Variants in SWAP70 observed in about 807,000 individuals in gnomAD.
The protein encoded by SWAP70 is switch-associated protein 70.
Under a neutral mutation model 80.2 loss-of-function variants are expected in SWAP70, and 34 were observed. The ratio of observed to expected loss-of-function variants is 0.42; its 90% CI spans 0.32 to 0.56. SWAP70 has a LOEUF of 0.56. Ranked by LOEUF, SWAP70 falls within the 20% of genes least tolerant of loss-of-function variation. The pLI, the probability that SWAP70 is intolerant of heterozygous loss-of-function variation, is 0.09. For missense variants in SWAP70, 578 were observed against 690.7 expected (o/e 0.84, Z 1.83); for synonymous variants, 239 against 238.5 (o/e 1.00, Z -0.02).
intron 9 of SWAP70, among the ~76,000 whole-genome samples, chr11:9,747,366 T>A (rs773971573): frequency 1.1e-3 from 164 of 152,362 alleles, no homozygotes; most frequent in Non-Finnish European, 4.6e-4. Flanking sequence ...TTCTTCATCT[T>A]CATTATCAGC....
In SWAP70 at chr11:9,683,913, A is replaced by G. The variant is rs75982536; in HGVS notation, c.100-10233A>G. ...GCAATTTCAAGAGATTGATAGGGATAGAAGTCATATTTTAGGGACCATGCG... is the reference window on the plus strand; with the variant it reads ...GCAATTTCAAGAGATTGATAGGGATGGAAGTCATATTTTAGGGACCATGCG... On this transcript the variant is annotated intron_variant, in intron 1 of 11. Transcript: ENST00000318950. 2.8e-3 allele frequency among the ~76,000 whole-genome samples: 429 copies of G among 152,300 alleles called. 1 individual carries two copies. Among genetic ancestry groups the G allele is most frequent in the African/African-American group, 9.9e-3 (410 of 41,556 alleles).
intron 1 of SWAP70, among the ~76,000 whole-genome samples, chr11:9,664,855 A>G (rs1235741897): frequency 6.6e-6 from 1 of 152,080 alleles, no homozygotes; most frequent in Non-Finnish European, 1.5e-5. Flanking sequence ...ACTTGGGAAG[A>G]CCTTCCGCCC....
At chr11:9,740,014 T>C (rs1851414908) in intron 8 of SWAP70, among the ~76,000 whole-genome samples, 167 bp from the exon 9 acceptor site, 2 of 152,280 alleles carry the variant, frequency 1.3e-5, no homozygotes, top group African/African-American at 4.8e-5. Context: ...TGCGATTGGG[T>C]GTGGTACCCT....
At chr11:9,745,176 A>T (rs1224087129) in intron 9 of SWAP70, among the ~76,000 whole-genome samples, 2 of 152,238 alleles carry the variant, frequency 1.3e-5, no homozygotes, top group Admixed American at 6.5e-5. Flanking sequence ...GGGCTCTGGA[A>T]TGAGGCCACG....
At chr11:9,666,581 C>A (rs1436496659) in intron 1 of SWAP70, among the ~76,000 whole-genome samples, 1 of 152,002 alleles carries the variant, frequency 6.6e-6, no homozygotes, top group Non-Finnish European at 1.5e-5. Context: ...TTGTAATTGT[C>A]ATATTTATTA....
intron 1 of SWAP70, among the ~76,000 whole-genome samples, chr11:9,685,848 G>T (rs1055475416): frequency 6.6e-6 from 1 of 152,056 alleles, no homozygotes; most frequent in Admixed American, 6.5e-5. Context: ...TGGCCAGGAT[G>T]GCCTCGATCT....
At chr11:9,669,481 C>G (rs766037470) in intron 1 of SWAP70, among the ~76,000 whole-genome samples, 5 of 152,160 alleles carry the variant, frequency 3.3e-5, no homozygotes, top group Non-Finnish European at 5.9e-5. Flanking sequence ...CCACCTGCCT[C>G]GGTCACCCAA....
intron 4 of SWAP70, among the ~76,000 whole-genome samples, chr11:9,726,480 C>T (rs1299351738): frequency 2.6e-5 from 4 of 152,050 alleles, no homozygotes; most frequent in Admixed American, 6.6e-5. Flanking sequence ...AGGTATGAGA[C>T]GTGGTCTCCA....
At chr11:9,741,958 A>AAAAAAAAAAAG (rs66572510) in intron 9 of SWAP70, 3 of 148,460 alleles carry the variant, frequency 2.0e-5, no homozygotes, top group African/African-American at 7.4e-5. Context: ...AAAAAAAAAA[A>AAAAAAAAAAAG]GTCTACTTGG....
intron 2 of SWAP70, among the ~76,000 whole-genome samples, chr11:9,711,072 T>A (rs540381896): frequency 4.0e-5 from 6 of 151,856 alleles, no homozygotes; most frequent in South Asian, 4.2e-4. Flanking sequence ...TTTATTTTTT[T>A]AAACATTGTT....
intron 1 of SWAP70, among the ~76,000 whole-genome samples, chr11:9,687,841 A>G (rs567141475): frequency 6.6e-6 from 1 of 152,218 alleles, no homozygotes; most frequent in African/African-American, 2.4e-5. Context: ...GATATTTGAG[A>G]TACCATTAGT....
intron 1 of SWAP70, among the ~76,000 whole-genome samples, chr11:9,678,822 CA>C (rs1247717478): frequency 6.6e-6 from 1 of 152,086 alleles, no homozygotes; most frequent in Non-Finnish European, 1.5e-5. Context: ...ATTATTAGCA[CA>C]TTAGCACTCT....
At chr11:9,725,549 ATATATATATATATATATATAT>A (rs1479685879) in intron 4 of SWAP70, among the ~76,000 whole-genome samples, 18 of 19,234 alleles carry the variant, frequency 9.4e-4, no homozygotes, top group African/African-American at 1.7e-3. Flanking sequence ...ATATATATAT[ATATATATATATATATATATAT>A]TTTTTTTTTT....
chr11:9,677,188 G>A (rs1192583792), intron 1 of SWAP70, among the ~76,000 whole-genome samples: 4 of 151,950 alleles, frequency 2.6e-5, no homozygotes, highest in South Asian at 2.1e-4. Flanking sequence ...AATGGAAATA[G>A]GAATAGGGCA....
At chr11:9,664,567 G>A (rs1850286157) in intron 1 of SWAP70, among the ~76,000 whole-genome samples, 1 of 152,246 alleles carries the variant, frequency 6.6e-6, no homozygotes, top group South Asian at 2.1e-4. Flanking sequence ...AGGGCCAAGT[G>A]TGATTCCTTC....
chr11:9,694,459 C>T (rs569037198), intron 2 of SWAP70, among the ~76,000 whole-genome samples, 173 bp downstream of exon 2: 2 of 152,240 alleles, frequency 1.3e-5, no homozygotes, highest in East Asian at 1.9e-4. Context: ...TCTTCCCTCT[C>T]CTCCACTGTC....
rs1382542582 is a variant in SWAP70 at position 9,744,878 on chromosome 11, CA to C, written c.1356-2974del. Among the ~76,000 whole-genome samples the C allele has an allele frequency of 3.3e-5, 5 of 151,244 alleles. No individual in the cohort carries two copies. In the East Asian group the frequency reaches 9.7e-4, roughly 29 times the overall value. On this transcript the variant is annotated intron_variant, in intron 9 of 11. Coordinates refer to ENST00000318950, the MANE Select transcript of SWAP70 (RefSeq NM_015055.4). Reference sequence around the variant, plus strand: ...TGCACCACTGTACTCCAGCCTGTCTCAAAAAAGAAAAAAACAAAAAAGAAAA... The same window carrying C: ...TGCACCACTGTACTCCAGCCTGTCTCAAAAAGAAAAAAACAAAAAAGAAAA...
At chr11:9,671,593 TAAATATA>T (rs1850396007) in intron 1 of SWAP70, among the ~76,000 whole-genome samples, 1 of 33,914 alleles carries the variant, frequency 2.9e-5, no homozygotes, top group Non-Finnish European at 4.8e-5. Flanking sequence ...TTTCTATATA[TAAATATA>T]TTTATATAGA....
At chr11:9,720,424 AG>A in intron 3 of SWAP70, 1 of 985,444 alleles carries the variant, frequency 1.0e-6, no homozygotes, top group Non-Finnish European at 1.2e-6. Flanking sequence ...AAACATAACA[AG>A]TCATCTGATT....
Sources: gnomAD v4.1 joint callset for allele counts (sites outside exome capture counted in the v4.1 genomes callset) on GRCh38, gnomAD v4.1.1 for gene constraint, MANE v1.5 for transcripts, NCBI Gene and HGNC (gene_info 2026-07-23, HGNC 2026-07-21) for gene names.